ZNF566: variants seen among roughly 807,000 people sequenced by gnomAD.
ZNF566 encodes zinc finger protein 566.
In ZNF566, 27 loss-of-function variants were observed where a neutral mutation model predicts 32.8. The ratio of observed to expected loss-of-function variants is 0.82; its 90% CI spans 0.61 to 1.14. The LOEUF (loss-of-function observed/expected upper bound fraction) is 1.14, where lower values mean the gene tolerates loss of function less well. Among genes scored for constraint, ZNF566 ranks in the 50% most tolerant of loss-of-function variants. ZNF566 has a pLI of 0.00. For synonymous variants in ZNF566, 154 were observed against 159.5 expected (o/e 0.97, Z 0.26); for missense variants, 402 against 490.4 (o/e 0.82, Z 1.70).
chr19:36,450,105 T>C, intron 4 of ZNF566, 104 bp from the exon 5 acceptor site: 1 of 922,530 alleles, frequency 1.1e-6, no homozygotes, highest in Non-Finnish European at 1.6e-6. Context: ...TACAAATGGA[T>C]GAGGAAAAAA....
At chr19:36,454,793 C>A (rs954880452) in intron 4 of ZNF566, among the ~76,000 whole-genome samples, 41 of 152,164 alleles carry the variant, frequency 2.7e-4, no homozygotes, top group African/African-American at 9.4e-4. Context: ...CTAGTAAATT[C>A]TATCAAACAC....
chr19:36,450,823 T>C (rs1032650078), intron 4 of ZNF566, among the ~76,000 whole-genome samples: 8 of 152,192 alleles, frequency 5.3e-5, no homozygotes, highest in African/African-American at 1.7e-4. Flanking sequence ...ACGTATTGTC[T>C]ATGGATGCTT....
intron 1 of ZNF566, among the ~76,000 whole-genome samples, chr19:36,478,531 T>C (rs2033951140): frequency 6.6e-6 from 1 of 151,504 alleles, no homozygotes; most frequent in East Asian, 1.9e-4. Context: ...ACACTCCTCA[T>C]CTTTGCCCCA....
chr19:36,467,516 G>T (rs1037287049), intron 4 of ZNF566, among the ~76,000 whole-genome samples: 1 of 150,852 alleles, frequency 6.6e-6, no homozygotes, highest in African/African-American at 2.5e-5. Flanking sequence ...GAAAAATGTG[G>T]CCGGGCACGG....
intron 1 of ZNF566, among the ~76,000 whole-genome samples, chr19:36,483,446 G>A (rs1161070893): frequency 2.6e-5 from 4 of 152,080 alleles, no homozygotes; most frequent in Non-Finnish European, 5.9e-5. Context: ...TGAGCCCAGA[G>A]ATGGAAGAGG....
chr19:36,459,066 A>G (rs1356941017), intron 4 of ZNF566, among the ~76,000 whole-genome samples: 1 of 152,040 alleles, frequency 6.6e-6, no homozygotes, highest in East Asian at 1.9e-4. Context: ...AAAGCTAGGG[A>G]AAAAGCTGGA....
chr19:36,453,045 G>A (rs1333304638), intron 4 of ZNF566, among the ~76,000 whole-genome samples: 1 of 151,560 alleles, frequency 6.6e-6, no homozygotes, highest in East Asian at 1.9e-4. Context: ...TTGAACCCGG[G>A]AGGTGGAGGT....
In ZNF566 at chr19:36,449,589, A is replaced by G; in HGVS notation, c.645T>C (p.Thr215=). ...GKSFRHPSRL[T]HHQKIHTGKK... is the part of the protein sequence containing the mutation. Reference sequence around the variant, plus strand: ...TGCCAGTATGAATTTTCTGATGATGAGTGAGTCTTGAGGGATGTCTAAAGG... The same window carrying G: ...TGCCAGTATGAATTTTCTGATGATGGGTGAGTCTTGAGGGATGTCTAAAGG... Residue 215 remains threonine, a synonymous_variant, in exon 5 of 5, where the codon ACT becomes ACC. Transcript: ENST00000452939. 1 of 1,614,142 alleles carries G rather than the reference A, an allele frequency of 6.2e-7. No homozygotes were observed. The highest frequency in any genetic ancestry group is 1.1e-5 in the South Asian group (1 of 91,086).
chr19:36,464,531 A>T (rs967422253), intron 4 of ZNF566, among the ~76,000 whole-genome samples: 3 of 152,304 alleles, frequency 2.0e-5, no homozygotes, highest in Non-Finnish European at 4.4e-5. Flanking sequence ...AAGTTGCATT[A>T]ATAGGTCTTT....
chr19:36,462,479 G>GA (rs1568517556), intron 4 of ZNF566, among the ~76,000 whole-genome samples: 1 of 151,630 alleles, frequency 6.6e-6, no homozygotes, highest in East Asian at 1.9e-4. Context: ...AGGAAACAGA[G>GA]AAAAAAAGTA....
In ZNF566 at chr19:36,448,256, CTTA is replaced by C. The variant is rs954747543; in HGVS notation, c.*718_*720del. The C allele has an allele frequency of 1.3e-5, 2 of 151,988 alleles. No individual in the cohort carries two copies. Among genetic ancestry groups the C allele is most frequent in the African/African-American group, 4.8e-5 (2 of 41,382 alleles). 9.4% of individuals were successfully genotyped at this position (151,988 alleles called of 1,614,324 possible). A position where few individuals can be genotyped will look rare whatever the true frequency, so the allele number is the denominator to read the frequency against. On this transcript the variant is annotated 3_prime_UTR_variant, in exon 5 of 5. Transcript: ENST00000452939. The stretch of plus-strand genomic sequence containing the variant: ...TTAAAAGATATGATACAAAGATGTG[CTTA>C]GGGAGAATGTCCAGCAGGGACTTGT...
intron 4 of ZNF566, among the ~76,000 whole-genome samples, chr19:36,451,615 T>C (rs2033159281): frequency 6.6e-6 from 1 of 152,150 alleles, no homozygotes; most frequent in African/African-American, 2.4e-5. Flanking sequence ...TTGGGCAAAT[T>C]AGTTCAACCT....
chr19:36,449,734 T>G lies in ZNF566; in HGVS notation c.500A>C (p.Lys167Thr). The G allele has an allele frequency of 6.2e-7, 1 of 1,614,162 alleles. No homozygotes were observed. Among genetic ancestry groups the G allele is most frequent in the Non-Finnish European group, 8.5e-7 (1 of 1,180,022 alleles). ...SFTLQQIINS[K>T]KKFCASKEYR... is the part of the protein sequence containing the mutation. ...TTCTTTAGATGCACAGAATTTCTTTTTACTGTTAATGATTTGCTGTAATGT... is the reference window on the plus strand; with the variant it reads ...TTCTTTAGATGCACAGAATTTCTTTGTACTGTTAATGATTTGCTGTAATGT... The change falls in exon 5 of 5, where the codon AAA becomes ACA. Residue 167 changes from lysine to threonine, a missense_variant. Physicochemically the swap from Lys to Thr is moderately conservative, Grantham distance 78. Coordinates refer to ENST00000452939, the MANE Select transcript of ZNF566 (RefSeq NM_001145344.1).
intron 1 of ZNF566, among the ~76,000 whole-genome samples, chr19:36,477,252 C>T (rs773419003): frequency 2.8e-4 from 42 of 151,948 alleles, no homozygotes; most frequent in Non-Finnish European, 5.3e-4. Flanking sequence ...CCTCATGATC[C>T]GCCCGACTCC....
intron 1 of ZNF566, among the ~76,000 whole-genome samples, chr19:36,480,307 CAG>C (rs1372684371): frequency 5.9e-5 from 6 of 102,010 alleles, no homozygotes; most frequent in Non-Finnish European, 1.4e-4. Flanking sequence ...TTTTTTGAGA[CAG>C]AGTCTCACTC....
intron 4 of ZNF566, among the ~76,000 whole-genome samples, chr19:36,459,281 T>C (rs1600145809): frequency 6.6e-6 from 1 of 152,148 alleles, no homozygotes; most frequent in East Asian, 1.9e-4. Flanking sequence ...CCCTTTTTGC[T>C]GAGCAATATA....
At chr19:36,472,634 G>A (rs1438372281) in intron 4 of ZNF566, among the ~76,000 whole-genome samples, 1 of 152,150 alleles carries the variant, frequency 6.6e-6, no homozygotes, top group Non-Finnish European at 1.5e-5. Flanking sequence ...AAGCTAGGAA[G>A]GAAATGGATC....
intron 4 of ZNF566, among the ~76,000 whole-genome samples, chr19:36,453,978 C>T (rs2033235163): frequency 6.6e-6 from 1 of 152,140 alleles, no homozygotes; most frequent in South Asian, 2.1e-4. Context: ...CACCTGCCAC[C>T]ACACCTGGCT....
chr19:36,471,623 C>T (rs932974104), intron 4 of ZNF566, among the ~76,000 whole-genome samples: 2 of 152,108 alleles, frequency 1.3e-5, no homozygotes, highest in African/African-American at 4.8e-5. Context: ...CATCCTTTAT[C>T]CCCTTCCTCT....
Sources: allele counts gnomAD v4.1 joint callset (sites outside exome capture counted in the v4.1 genomes callset), GRCh38; gene constraint gnomAD v4.1.1; transcripts MANE v1.5; gene names NCBI Gene and HGNC (gene_info 2026-07-23, HGNC 2026-07-21).